Variants in KNL1 observed in about 807,000 individuals in gnomAD.
The protein encoded by KNL1 is kinetochore scaffold 1, also known as outer kinetochore KNL1 complex subunit KNL1.
Under a neutral mutation model 201.3 loss-of-function variants are expected in KNL1, and 66 were observed. That is an observed-to-expected ratio of 0.33 (90% CI 0.27 to 0.40). KNL1 has a LOEUF of 0.40. KNL1 is among the 10% of genes least tolerant of loss of function. The pLI, the probability that KNL1 is intolerant of heterozygous loss-of-function variation, is 1.00. For synonymous variants in KNL1, 895 were observed against 899.2 expected (o/e 1.00, Z 0.08); for missense variants, 2,815 against 2,690.5 (o/e 1.05, Z -1.02).
chr15:40,621,007 C>G lies in KNL1; in HGVS notation c.743C>G (p.Pro248Arg). ...GAGATACCTATTTATTCCAAGGAAC[C>G]GAACAGTGCCTCTTCTACACATCAA... ...NFEIPIYSKE[P>R]NSASSTHQMH... Residue 248 changes from proline (P) to arginine (R), a missense_variant, in exon 10 of 26, where the codon CCG becomes CGG. Coordinates refer to ENST00000399668, the MANE Select transcript of KNL1 (RefSeq NM_144508.5). 1 of 1,604,282 alleles carries G rather than the reference C, an allele frequency of 6.2e-7. No homozygotes were observed. Among genetic ancestry groups the G allele is most frequent in the Non-Finnish European group, 8.5e-7 (1 of 1,176,584 alleles).
chr15:40,608,486 T>TAATCCCAGC (rs1157220536), intron 4 of KNL1, among the ~76,000 whole-genome samples: 2 of 141,210 alleles, frequency 1.4e-5, no homozygotes, highest in African/African-American at 5.3e-5. Flanking sequence ...CCCATGGCTA[T>TAATCCCAGC]AATCCCAGCA....
chr15:40,657,394 C>T lies in KNL1; in HGVS notation c.6634C>T (p.Leu2212Phe), dbSNP rs1211009081. Residue 2212 changes from leucine to phenylalanine, a missense_variant, in exon 24 of 26, where the codon CTC (leucine) becomes TTC (phenylalanine). By Grantham distance (22) the Leu-to-Phe change is conservative (BLOSUM62 0). Coordinates refer to ENST00000399668, the MANE Select transcript of KNL1 (RefSeq NM_144508.5). ...EFSLVVHHCR[L>F]LGEEIEYLKR... Reference sequence around the variant, plus strand: ...CTCACTGGTAGTGCACCATTGCAGACTCCTTGGAGAGGAGATTGAGTATTT... The same window carrying T: ...CTCACTGGTAGTGCACCATTGCAGATTCCTTGGAGAGGAGATTGAGTATTT... 4.4e-6 allele frequency: 7 copies of T among 1,608,586 alleles called. No homozygotes were observed. The highest frequency in any genetic ancestry group is 6.0e-6 in the Non-Finnish European group (7 of 1,174,932).
chr15:40,596,154 A>G (rs1027559176), intron 1 of KNL1, among the ~76,000 whole-genome samples: 81 of 152,358 alleles, frequency 5.3e-4, no homozygotes, highest in African/African-American at 1.9e-3. Flanking sequence ...AGAAATACCT[A>G]ACAGTCTATT....
intron 22 of KNL1, among the ~76,000 whole-genome samples, chr15:40,655,647 GCTCACGC>G (rs546908432): frequency 6.6e-6 from 1 of 151,310 alleles, no homozygotes; most frequent in East Asian, 1.9e-4. Flanking sequence ...GGGCATGGTG[GCTCACGC>G]CTGTAATCCC....
intron 21 of KNL1, among the ~76,000 whole-genome samples, chr15:40,653,430 G>A (rs901435530): frequency 2.6e-5 from 4 of 152,074 alleles, no homozygotes; most frequent in African/African-American, 4.8e-5. Flanking sequence ...GGCCTCAAGC[G>A]ATTTGCCCAC....
At chr15:40,603,057 CTTTT>C (rs1275245593) in intron 2 of KNL1, 91 bp downstream of exon 2, 1 of 801,062 alleles carries the variant, frequency 1.2e-6, no homozygotes, top group Non-Finnish European at 2.0e-6. Context: ...CTTCTGAGAT[CTTTT>C]TCCATTGTGT....
chr15:40,646,953 T>C, intron 16 of KNL1, 34 bp from the exon 17 acceptor site: 1 of 914,542 alleles, frequency 1.1e-6, no homozygotes, highest in Non-Finnish European at 1.8e-6. Context: ...TCTTTAGAGG[T>C]TTAACTTGAC....
rs1045092665 is a variant in KNL1, at chr15:40,663,062, C to T, written c.*874C>T. 7.7e-5 allele frequency: 13 copies of T among 169,850 alleles called. No individual in the cohort carries two copies. Among genetic ancestry groups the T allele is most frequent in the African/African-American group, 1.9e-4 (8 of 41,892 alleles). 10.5% of individuals were successfully genotyped at this position (169,850 alleles called of 1,614,324 possible). A position where few individuals can be genotyped will look rare whatever the true frequency, so the allele number is the denominator to read the frequency against. On this transcript the variant is annotated 3_prime_UTR_variant, in exon 26 of 26. Transcript: ENST00000399668. ...TATTCTATGGTGTCTATTATGTTTT[C>T]TTTTTCTTTTTTTTTGAGACGGAGT... is the stretch of plus-strand genomic sequence containing the variant.
At chr15:40,656,206 G>A (rs1363432056) in intron 22 of KNL1, among the ~76,000 whole-genome samples, 4 of 152,010 alleles carry the variant, frequency 2.6e-5, no homozygotes, top group Non-Finnish European at 5.9e-5. Context: ...CAAGGCGGGC[G>A]GATCACTGGA....
intron 13 of KNL1, among the ~76,000 whole-genome samples, chr15:40,632,203 T>C (rs575837926): frequency 1.1e-4 from 14 of 124,626 alleles, no homozygotes; most frequent in East Asian, 6.4e-4. Context: ...CTGGGCAACA[T>C]AGCGAGACCC....
In KNL1 at chr15:40,657,431, G is replaced by T. The variant is rs1893767953; in HGVS notation, c.6671G>T (p.Gly2224Val). The T allele has an allele frequency of 6.3e-7, 1 of 1,589,962 alleles. No homozygotes were observed. Among genetic ancestry groups the T allele is most frequent in the Non-Finnish European group, 8.6e-7 (1 of 1,158,096 alleles). Reference sequence around the variant, plus strand: ...GAGATTGAGTATTTAAAGAGATGGGGACCAAATTATAACCTAATGAACATA... The same window carrying T: ...GAGATTGAGTATTTAAAGAGATGGGTACCAAATTATAACCTAATGAACATA... ...GEEIEYLKRWGPNYNLMNIDI... is the reference protein window; with the variant it reads ...GEEIEYLKRWVPNYNLMNIDI... The change falls in exon 24 of 26, where the codon GGA becomes GTA. Residue 2224 changes from glycine to valine, a missense_variant. Physicochemically the swap from Gly to Val is moderately radical, Grantham distance 109. Around this residue, in one of 3 missense-constraint regions of KNL1, gnomAD observed 334 missense variants for 362.6 expected, o/e 0.92. Coordinates refer to ENST00000399668, the MANE Select transcript of KNL1 (RefSeq NM_144508.5).
Position 40,615,067 on chromosome 15 carries a change from ATAT to A in KNL1, c.285-272_285-270del, listed in dbSNP as rs1892296046. Among the ~76,000 whole-genome samples, 4 of 152,166 alleles carry A rather than the reference ATAT, an allele frequency of 2.6e-5. No homozygotes were observed. In the South Asian group the frequency reaches 8.3e-4, roughly 32 times the overall value. The stretch of plus-strand genomic sequence containing the variant: ...TGTGAGCCACCACGGCTGGCTGATA[ATAT>A]TCTTGAAATTAGCAAACCATTAAGA... On this transcript the variant is annotated intron_variant, in intron 7 of 25. Coordinates refer to ENST00000399668, the MANE Select transcript of KNL1 (RefSeq NM_144508.5).
intron 21 of KNL1, 34 bp from the exon 22 acceptor site, chr15:40,654,875 A>G (rs754807056): frequency 3.4e-5 from 53 of 1,566,646 alleles, no homozygotes; most frequent in Non-Finnish European, 4.6e-5. Flanking sequence ...TGTCTAAAAA[A>G]ATTTTTAAAA....
intron 25 of KNL1, among the ~76,000 whole-genome samples, chr15:40,659,891 T>C (rs1893853972): frequency 8.0e-6 from 1 of 124,922 alleles, no homozygotes; most frequent in African/African-American, 3.1e-5. Context: ...TTTTGAAGAA[T>C]TTATGTGTGT....
At chr15:40,610,617 A>G (rs1892123064) in intron 6 of KNL1, among the ~76,000 whole-genome samples, 1 of 152,192 alleles carries the variant, frequency 6.6e-6, no homozygotes, top group Non-Finnish European at 1.5e-5. Flanking sequence ...GGATCACTTG[A>G]GTCCAGAAGA....
At position 40,621,864 on chromosome 15, in the gene KNL1, G is replaced by A. The variant is rs747018156; in HGVS notation, c.1600G>A (p.Val534Ile). ...CACATCAGAAGATGGGAAAATGAAT[G>A]TAAATTGTAACTCAGTTCCTCATGT... ...MTTSEDGKMN[V>I]NCNSVPHVSK... The change falls in exon 10 of 26, where the codon GTA becomes ATA. Residue 534 changes from valine to isoleucine, a missense_variant. This residue lies in a region of KNL1 where 2,464 missense variants were observed against 2,291.7 expected (regional missense o/e 1.08). Transcript: ENST00000399668. The A allele has an allele frequency of 6.8e-6, 11 of 1,613,932 alleles. No individual in the cohort carries two copies.
At chr15:40,637,258 T>C (rs1011601285) in intron 13 of KNL1, among the ~76,000 whole-genome samples, 2 of 151,598 alleles carry the variant, frequency 1.3e-5, no homozygotes, top group Non-Finnish European at 2.9e-5. Context: ...AGAAACCAGG[T>C]TTTTCTGTAG....
chr15:40,651,635 A>T, intron 20 of KNL1, 63 bp downstream of exon 20: 1 of 1,091,278 alleles, frequency 9.2e-7, no homozygotes, highest in Non-Finnish European at 1.3e-6. Flanking sequence ...GTTTAAACCG[A>T]TTGGAGCAAT....
chr15:40,626,032 T>C (rs1026093224), intron 10 of KNL1: 1 of 157,344 alleles, frequency 6.4e-6, no homozygotes, highest in Admixed American at 6.3e-5. Context: ...GTTGTTATAT[T>C]TGGGGAGTAA....
Sources: allele counts gnomAD v4.1 joint callset (sites outside exome capture counted in the v4.1 genomes callset), GRCh38; gene constraint gnomAD v4.1.1; regional missense constraint gnomAD v4.1.1; transcripts MANE v1.5; gene names NCBI Gene and HGNC (gene_info 2026-07-23, HGNC 2026-07-21).